Variants in DENND3 observed in about 807,000 individuals in gnomAD.
DENND3 encodes the protein DENN domain containing 3.
DENND3 carries 88 observed loss-of-function variants against 135.1 expected under a neutral mutation model. The ratio of observed to expected loss-of-function variants is 0.65; its 90% CI spans 0.55 to 0.78. The LOEUF (loss-of-function observed/expected upper bound fraction) is 0.78, where lower values mean the gene tolerates loss of function less well. Among genes scored for constraint, DENND3 ranks in the 30% least tolerant of loss-of-function variants. DENND3 has a pLI of 0.00. For synonymous variants in DENND3, 693 were observed against 712.3 expected (o/e 0.97, Z 0.43); for missense variants, 1,392 against 1,688.4 (o/e 0.82, Z 3.08).
At chr8:141,165,395 T>C (rs1229418376) in intron 11 of DENND3, 106 bp downstream of exon 11, 2 of 849,754 alleles carry the variant, frequency 2.4e-6, no homozygotes, top group Non-Finnish European at 3.8e-6. Context: ...GGGAAATACC[T>C]TGTGCTTAGA....
intron 22 of DENND3, chr8:141,192,924 TCA>T (rs1824961974): frequency 2.4e-5 from 34 of 1,425,014 alleles, no homozygotes; most frequent in Non-Finnish European, 3.2e-5. Flanking sequence ...CTTAATTTTC[TCA>T]CAGTTCTCGA....
rs1815868158 is a variant in DENND3 at position 141,130,357 on chromosome 8, A to G, written c.102+1548A>G. On this transcript the variant is annotated intron_variant, in intron 1 of 22. Transcript: ENST00000519811. This position sits in a 1 kb window ranked among gnomAD's most constrained non-coding sequence, Gnocchi z 4.2. ...AGTGCTGGGATTACAGGCGTGAGCCACTGCGCCTGGCCAGTGGTGCATTCC... is the reference window on the plus strand; with the variant it reads ...AGTGCTGGGATTACAGGCGTGAGCCGCTGCGCCTGGCCAGTGGTGCATTCC... Among the ~76,000 whole-genome samples, 1 of 152,180 alleles carries G rather than the reference A, an allele frequency of 6.6e-6. No individual in the cohort carries two copies. Among genetic ancestry groups the G allele is most frequent in the Non-Finnish European group, 1.5e-5 (1 of 68,024 alleles).
At position 141,194,116 on chromosome 8, in the gene DENND3, G is replaced by C; in HGVS notation, c.3720G>C (p.Glu1240Asp). Residue 1240 changes from glutamate to aspartate, a missense_variant, in exon 23 of 23, where the codon GAG (glutamate) becomes GAC (aspartate). Glu to Asp is a conservative substitution (Grantham distance 45, BLOSUM62 2). Transcript: ENST00000519811. Reference sequence around the variant, plus strand: ...TTGACGCCGAGAGGAAGACCGTGGAGAAGGAGCTGGTGGCGCACATGGACA... The same window carrying C: ...TTGACGCCGAGAGGAAGACCGTGGACAAGGAGCTGGTGGCGCACATGGACA... ...YVIDAERKTV[E>D]KELVAHMDTV... is the part of the protein sequence containing the mutation. The C allele has an allele frequency of 6.2e-7, 1 of 1,613,976 alleles. No homozygotes were observed. Among genetic ancestry groups the C allele is most frequent in the Non-Finnish European group, 8.5e-7 (1 of 1,180,012 alleles).
At chr8:141,134,227 C>T (rs1218161620) in intron 1 of DENND3, among the ~76,000 whole-genome samples, 2 of 152,098 alleles carry the variant, frequency 1.3e-5, no homozygotes, top group East Asian at 1.9e-4. Flanking sequence ...ATGGACTTTT[C>T]GTGCATGCTA....
chr8:141,178,974 G>T (rs181326498), intron 16 of DENND3, among the ~76,000 whole-genome samples: 1 of 152,374 alleles, frequency 6.6e-6, no homozygotes, highest in African/African-American at 2.4e-5. Context: ...GAGCATTCAT[G>T]TGTAAGCTCT....
At chr8:141,132,591 A>G (rs1261934783) in intron 1 of DENND3, among the ~76,000 whole-genome samples, 2 of 152,206 alleles carry the variant, frequency 1.3e-5, no homozygotes, top group African/African-American at 2.4e-5. Flanking sequence ...TCCTGACCTC[A>G]GGTGATCTAC....
rs563556395 is a variant in DENND3, at chr8:141,139,783, G to A, written c.502-1420G>A. ...ACTGTTCCCAGTGTGCCGGCCTGGC[G>A]TGGGCATGCCTGGTCCTGCTCCTGC... On this transcript the variant is annotated intron_variant, in intron 3 of 22. Coordinates refer to ENST00000519811, the MANE Select transcript of DENND3 (RefSeq NM_001352890.3). The surrounding 1 kb of genome is among the most constrained non-coding windows in gnomAD (Gnocchi z 4.2). Among the ~76,000 whole-genome samples the A allele has an allele frequency of 3.9e-5, 6 of 152,348 alleles. No homozygotes were observed. The highest frequency in any genetic ancestry group is 7.2e-5 in the African/African-American group (3 of 41,582).
chr8:141,179,454 G>C (rs923218154), intron 16 of DENND3, among the ~76,000 whole-genome samples: 7 of 152,240 alleles, frequency 4.6e-5, no homozygotes, highest in African/African-American at 1.7e-4. Flanking sequence ...CGCCATGCTG[G>C]TGTCACTTGG....
Position 141,136,761 on chromosome 8 carries a change from C to T in DENND3, c.355C>T (p.Leu119Phe). 1 of 1,589,224 alleles carries T rather than the reference C, an allele frequency of 6.3e-7. No individual in the cohort carries two copies. The highest frequency in any genetic ancestry group is 8.6e-7 in the Non-Finnish European group (1 of 1,168,802). Reference sequence around the variant, plus strand: ...TGTCGCCGTCCCGGGCGGCGTGGACCTCCTCACCCTGCCGCAGCTGTGCTT... The same window carrying T: ...TGTCGCCGTCCCGGGCGGCGTGGACTTCCTCACCCTGCCGCAGCTGTGCTT... ...EDVAVPGGVD[L>F]LTLPQLCFPG... The change falls in exon 2 of 23, where the codon CTC becomes TTC. Residue 119 changes from leucine (L) to phenylalanine (F), a missense_variant. Leu to Phe is a conservative substitution (Grantham distance 22). Coordinates refer to ENST00000519811, the MANE Select transcript of DENND3 (RefSeq NM_001352890.3).
chr8:141,137,061 C>G lies in DENND3; in HGVS notation c.385+270C>G, dbSNP rs1191156289. Among the ~76,000 whole-genome samples the G allele has an allele frequency of 6.6e-6, 1 of 152,164 alleles. No individual in the cohort carries two copies. Among genetic ancestry groups the G allele is most frequent in the South Asian group, 2.1e-4 (1 of 4,832 alleles). ...GTGGCACAATCTCCTTTCACTTCAT[C>G]CTCTGCCTCCTGGGTTCAAGTGATT... On this transcript the variant is annotated intron_variant, in intron 2 of 22. Coordinates refer to ENST00000519811, the MANE Select transcript of DENND3 (RefSeq NM_001352890.3). The surrounding 1 kb of genome is among the most constrained non-coding windows in gnomAD (Gnocchi z 4.1).
rs759256560 is a variant in DENND3 at position 141,138,859 on chromosome 8, G to A, written c.501+722G>A. Among the ~76,000 whole-genome samples, 1 of 152,200 alleles carries A rather than the reference G, an allele frequency of 6.6e-6. No individual in the cohort carries two copies. Among genetic ancestry groups the A allele is most frequent in the Admixed American group, 6.5e-5 (1 of 15,286 alleles). ...CTTTTATGGCGAGTGACATTCCATC[G>A]TTTGGATGGACCACATTTTATTTCT... On this transcript the variant is annotated intron_variant, in intron 3 of 22. Transcript: ENST00000519811. The surrounding 1 kb of genome is among the most constrained non-coding windows in gnomAD (Gnocchi z 4.8).
In DENND3 at chr8:141,146,549, T is replaced by C. The variant is rs1818167004; in HGVS notation, c.735+2290T>C. ...TGTCGATTCAGTTTCATTGTGCTAG[T>C]CCTCTGAAAGATTATACGTATTAAT... is the stretch of plus-strand genomic sequence containing the variant. On this transcript the variant is annotated intron_variant, in intron 5 of 22. Transcript: ENST00000519811. The surrounding 1 kb of genome is among the most constrained non-coding windows in gnomAD (Gnocchi z 4.3). Among the ~76,000 whole-genome samples the C allele has an allele frequency of 6.6e-6, 1 of 152,236 alleles. No homozygotes were observed. Among genetic ancestry groups the C allele is most frequent in the Non-Finnish European group, 1.5e-5 (1 of 68,032 alleles).
Position 141,141,367 on chromosome 8 carries a change from CT to C in DENND3, c.623+46del. On this transcript the variant is annotated intron_variant, in intron 4 of 22. Coordinates refer to ENST00000519811, the MANE Select transcript of DENND3 (RefSeq NM_001352890.3). This position sits in a 1 kb window ranked among gnomAD's most constrained non-coding sequence, Gnocchi z 5.3. ...GGGCCAGGGGTGGTAGGGGGCAGCT[CT>C]TTGTGCCTCTCCAGGTGAGCCAAGG... The C allele has an allele frequency of 6.2e-7, 1 of 1,602,592 alleles. No homozygotes were observed. Among genetic ancestry groups the C allele is most frequent in the South Asian group, 1.1e-5 (1 of 90,494 alleles).
rs1569556858 is a variant in DENND3 at position 141,185,133 on chromosome 8, C to A, written c.2945-6C>A. The A allele has an allele frequency of 6.2e-7, 1 of 1,612,790 alleles. No homozygotes were observed. Among genetic ancestry groups the A allele is most frequent in the Non-Finnish European group, 8.5e-7 (1 of 1,179,014 alleles). On this transcript the variant is annotated splice_region_variant and splice_polypyrimidine_tract_variant and intron_variant, in intron 17 of 22. Transcript: ENST00000519811. ...CCTAACAGTTTTGTGCTGCTCTCCT[C>A]TTTAGGGCATCTTGACCCAGCCGAA...
rs562874613 is a variant in DENND3, at chr8:141,149,181, A to T, written c.736-1653A>T. ...CGCCTCAGCCTCCCAAAGTGCTGGGATTATAGGCATGAGCCACCACACCCG... is the reference window on the plus strand; with the variant it reads ...CGCCTCAGCCTCCCAAAGTGCTGGGTTTATAGGCATGAGCCACCACACCCG... On this transcript the variant is annotated intron_variant, in intron 5 of 22. Transcript: ENST00000519811. Among the ~76,000 whole-genome samples the T allele has an allele frequency of 1.8e-3, 273 of 152,332 alleles. 1 individual carries two copies. Among genetic ancestry groups the T allele is most frequent in the Middle Eastern group, 6.8e-3 (2 of 294 alleles).
chr8:141,171,586 C>T (rs889323380), intron 13 of DENND3, among the ~76,000 whole-genome samples: 2 of 152,226 alleles, frequency 1.3e-5, no homozygotes, highest in Non-Finnish European at 2.9e-5. Context: ...CAAATGAGGA[C>T]TGGGCATTGT....
intron 1 of DENND3, among the ~76,000 whole-genome samples, chr8:141,135,144 C>T (rs1463883349): frequency 6.8e-6 from 1 of 148,144 alleles, no homozygotes; most frequent in Admixed American, 6.7e-5. Context: ...CTCTTTCTTT[C>T]TTTCTTTCTT....
In DENND3 at chr8:141,168,395, C is replaced by T. The variant is rs140493791; in HGVS notation, c.2145C>T (p.Asp715=). 71 of 1,613,882 alleles carry T rather than the reference C, an allele frequency of 4.4e-5. No individual in the cohort carries two copies. In the African/African-American group the frequency reaches 6.1e-4, roughly 14 times the overall value. ...LDKPHEASKL[D]DHVKKFKLPK... is the part of the protein sequence containing the mutation. ...AGCCGCACGAGGCCTCGAAGCTGGA[C>T]GACCACGTGAAGAAGTTCAAGCTGC... is the stretch of plus-strand genomic sequence containing the variant. The change falls in exon 13 of 23, where the codon GAC becomes GAT. Residue 715 remains aspartate, a synonymous_variant. Transcript: ENST00000519811. The surrounding 1 kb of genome is among the most constrained non-coding windows in gnomAD (Gnocchi z 6.2).
chr8:141,166,530 T>A lies in DENND3; in HGVS notation c.1753+141T>A. On this transcript the variant is annotated intron_variant, in intron 12 of 22. Coordinates refer to ENST00000519811, the MANE Select transcript of DENND3 (RefSeq NM_001352890.3). This position sits in a 1 kb window ranked among gnomAD's most constrained non-coding sequence, Gnocchi z 4.3. ...GCTGAGTTATTTGAAATGTTTAGAATATTCATTTTGCCAAGGTATGCCTTC... is the reference window on the plus strand; with the variant it reads ...GCTGAGTTATTTGAAATGTTTAGAAAATTCATTTTGCCAAGGTATGCCTTC... 1 of 971,588 alleles carries A rather than the reference T, an allele frequency of 1.0e-6. No homozygotes were observed. The highest frequency in any genetic ancestry group is 1.5e-6 in the Non-Finnish European group (1 of 675,210). The allele number at this position is 971,588 out of a possible 1,614,324, so 60.2% of individuals were successfully genotyped here.
Sources: allele counts gnomAD v4.1 joint callset (sites outside exome capture counted in the v4.1 genomes callset), GRCh38; gene constraint gnomAD v4.1.1; non-coding constraint Gnocchi (gnomAD v3.1); transcripts MANE v1.5; gene names NCBI Gene and HGNC (gene_info 2026-07-23, HGNC 2026-07-21).